AFF2: variants seen among roughly 807,000 people sequenced by gnomAD.
AFF2 encodes ALF transcription elongation factor 2.
A neutral mutation model predicts 76.9 loss-of-function variants in AFF2; 14 were observed. The observed-to-expected ratio is 0.18, with a 90% CI of 0.12 to 0.28. The LOEUF (loss-of-function observed/expected upper bound fraction) is 0.28, where lower values mean the gene tolerates loss of function less well. Among genes scored for constraint, AFF2 ranks in the 10% least tolerant of loss-of-function variants. The pLI, the probability that AFF2 is intolerant of heterozygous loss-of-function variation, is 1.00. For missense variants in AFF2, 868 were observed against 1,001.1 expected (o/e 0.87, Z 1.79); for synonymous variants, 398 against 366.7 (o/e 1.09, Z -0.98).
chrX:148,947,329 G>A (rs1341505701), intron 9 of AFF2, among the ~76,000 whole-genome samples: 2 of 112,054 alleles, frequency 1.8e-5, no homozygotes, highest in African/African-American at 6.5e-5. Flanking sequence ...TGATGATATT[G>A]GGATATGAAT....
At chrX:148,723,171 C>T (rs1280969195) in intron 3 of AFF2, among the ~76,000 whole-genome samples, 1 of 111,919 alleles carries the variant, frequency 8.9e-6, no homozygotes, top group Non-Finnish European at 1.9e-5. Flanking sequence ...TAGCCCAGGG[C>T]AGAAGGCCAA....
At chrX:148,540,587 C>G (rs1285504650) in intron 1 of AFF2, among the ~76,000 whole-genome samples, 1 of 111,017 alleles carries the variant, frequency 9.0e-6, no homozygotes, top group African/African-American at 3.3e-5. Context: ...TGAGCTTCCC[C>G]CTAAGCAGAC....
Position 148,894,345 on chromosome X carries a change from C to T in AFF2, c.1359+8360C>T, listed in dbSNP as rs141082452. On this transcript the variant is annotated intron_variant, in intron 8 of 20. Coordinates refer to ENST00000370460, the MANE Select transcript of AFF2 (RefSeq NM_002025.4). ...CAGGCAGGCTGAAAACACCAAGGAC[C>T]TTGTTCTGCCTGGAAAACTGAATTG... 4.4e-3 allele frequency among the ~76,000 whole-genome samples: 486 copies of T among 111,403 alleles called. 2 individuals are homozygous for T. The highest frequency in any genetic ancestry group is 0.015 in the African/African-American group (473 of 30,680).
chrX:148,676,206 C>T lies in AFF2; in HGVS notation c.1041+13438C>T, dbSNP rs1051447410. On this transcript the variant is annotated intron_variant, in intron 3 of 20. Transcript: ENST00000370460. Reference sequence around the variant, plus strand: ...TCCCAAGTAGCTGGGACTACAGGCACCCACCACCACGCCCGGCTTATTTTC... The same window carrying T: ...TCCCAAGTAGCTGGGACTACAGGCATCCACCACCACGCCCGGCTTATTTTC... Among the ~76,000 whole-genome samples the T allele has an allele frequency of 2.7e-5, 3 of 109,398 alleles. No homozygotes were observed. In the East Asian group the frequency reaches 8.7e-4, roughly 32 times the overall value. The allele number at this position is 109,398 out of a possible 115,157, so 95.0% of individuals were successfully genotyped here. A position where few individuals can be genotyped will look rare whatever the true frequency, so the allele number is the denominator to read the frequency against.
At chrX:148,940,732 G>T (rs2071824049) in intron 9 of AFF2, among the ~76,000 whole-genome samples, 1 of 111,673 alleles carries the variant, frequency 9.0e-6, no homozygotes, top group African/African-American at 3.3e-5. Context: ...AGGAGTCAGT[G>T]TTGAGTAAGG....
intron 3 of AFF2, among the ~76,000 whole-genome samples, chrX:148,708,967 T>G (rs1403599963): frequency 8.9e-6 from 1 of 112,031 alleles, no homozygotes; most frequent in Non-Finnish European, 1.9e-5. Flanking sequence ...ATTTTGCATT[T>G]TTTTCGTTAC....
intron 4 of AFF2, among the ~76,000 whole-genome samples, chrX:148,814,936 C>T (rs1224474463): frequency 9.0e-6 from 1 of 111,388 alleles, no homozygotes; most frequent in African/African-American, 3.3e-5. Context: ...AATCAAGCAC[C>T]TTTCAGTAGA....
chrX:148,939,865 A>T (rs1478237892), intron 9 of AFF2, among the ~76,000 whole-genome samples: 1 of 112,055 alleles, frequency 8.9e-6, no homozygotes, highest in Non-Finnish European at 1.9e-5. Context: ...TCATCCATTC[A>T]TGAGGCGCAG....
At chrX:148,861,093 G>T (rs782248690) in intron 7 of AFF2, among the ~76,000 whole-genome samples, 2 of 111,920 alleles carry the variant, frequency 1.8e-5, no homozygotes, top group South Asian at 7.4e-4. Flanking sequence ...AGGTCAGTGG[G>T]AGAATCATGT....
intron 3 of AFF2, among the ~76,000 whole-genome samples, chrX:148,789,996 C>T (rs1197131845): frequency 1.8e-5 from 2 of 111,002 alleles, no homozygotes; most frequent in Admixed American, 9.6e-5. Context: ...CACAGTAAAC[C>T]TCCCATTTAA....
intron 1 of AFF2, among the ~76,000 whole-genome samples, chrX:148,554,424 G>C (rs938718316): frequency 5.4e-5 from 6 of 111,657 alleles, no homozygotes; most frequent in African/African-American, 2.0e-4. Flanking sequence ...CTGAAGAAAA[G>C]TGAGAGGTTT....
At chrX:148,948,283 T>C (rs2078069352) in intron 9 of AFF2, among the ~76,000 whole-genome samples, 1 of 112,053 alleles carries the variant, frequency 8.9e-6, no homozygotes, top group African/African-American at 3.2e-5. Context: ...CTGTGACTGA[T>C]AGAGTACTGT....
At chrX:148,929,112 G>A (rs1557284104) in intron 9 of AFF2, among the ~76,000 whole-genome samples, 2 of 112,268 alleles carry the variant, frequency 1.8e-5, no homozygotes, top group African/African-American at 6.5e-5. Context: ...CTGGCTATAT[G>A]TAATTCTGTA....
At chrX:148,802,347 G>A (rs1317615010) in intron 3 of AFF2, among the ~76,000 whole-genome samples, 4 of 111,863 alleles carry the variant, frequency 3.6e-5, no homozygotes, top group Admixed American at 9.5e-5. Context: ...TTTGATGTTA[G>A]CATAAATTTA....
In AFF2 at chrX:148,837,692, G is replaced by C. The variant is rs2070544415; in HGVS notation, c.1132G>C (p.Ala378Pro). 1 of 1,203,217 alleles carries C rather than the reference G, an allele frequency of 8.3e-7. No individual in the cohort carries two copies. The highest frequency in any genetic ancestry group is 1.7e-5 in the African/African-American group (1 of 57,474). ...WPTPLTSMHTAGHSEQSTFSI... is the reference protein window; with the variant it reads ...WPTPLTSMHTPGHSEQSTFSI... ...TACTCCTCTCACTTCCATGCATACT[G>C]CTGGACACTCTGAGCAGAGCACCTT... The change falls in exon 5 of 21, where the codon GCT (alanine) becomes CCT (proline). Residue 378 changes from alanine (A) to proline (P), a missense_variant. Physicochemically the swap from Ala to Pro is conservative, Grantham distance 27 (BLOSUM62 -1). Around this residue, in one of 6 missense-constraint regions of AFF2, gnomAD observed 532 missense variants for 564.2 expected, o/e 0.94. Transcript: ENST00000370460.
chrX:148,967,565 G>A, intron 14 of AFF2, 64 bp from the exon 15 acceptor site: 1 of 1,011,016 alleles, frequency 9.9e-7, no homozygotes, highest in East Asian at 3.1e-5. Flanking sequence ...AAGGTTTGAT[G>A]ATTCAGTCTT....
intron 1 of AFF2, among the ~76,000 whole-genome samples, chrX:148,581,228 G>GTATACGTATACGTATACACACA (rs1569551621): frequency 0.013 from 271 of 20,466 alleles, 56 homozygotes; most frequent in African/African-American, 0.033. Context: ...TATAATATAC[G>GTATACGTATACGTATACACACA]TATACGTATA....
intron 19 of AFF2, among the ~76,000 whole-genome samples, chrX:148,985,075 T>C (rs1557291292): frequency 4.6e-5 from 5 of 109,473 alleles, no homozygotes; most frequent in Admixed American, 2.9e-4. Context: ...ACCTCTGCCT[T>C]CTCAGATCAA....
At chrX:148,794,242 A>T (rs1292371873) in intron 3 of AFF2, among the ~76,000 whole-genome samples, 2 of 112,275 alleles carry the variant, frequency 1.8e-5, no homozygotes, top group African/African-American at 6.5e-5. Flanking sequence ...TCCCATGTTG[A>T]ATAAGCAAGT....
Sources: allele counts gnomAD v4.1 joint callset (sites outside exome capture counted in the v4.1 genomes callset), GRCh38; gene constraint gnomAD v4.1.1; regional missense constraint gnomAD v4.1.1; transcripts MANE v1.5; gene names NCBI Gene and HGNC (gene_info 2026-07-23, HGNC 2026-07-21).